CYRIB: variants seen among roughly 807,000 people sequenced by gnomAD.
CYRIB encodes the protein CYFIP related Rac1 interactor B.
In CYRIB, 8 loss-of-function variants were observed where a neutral mutation model predicts 44.2. That is an observed-to-expected ratio of 0.18 (90% CI 0.11 to 0.33). The LOEUF is 0.33. Among genes scored for constraint, CYRIB ranks in the 10% least tolerant of loss-of-function variants. The pLI, the probability that CYRIB is intolerant of heterozygous loss-of-function variation, is 1.00. For synonymous variants in CYRIB, 131 were observed against 127.2 expected (o/e 1.03, Z -0.20); for missense variants, 185 against 382.8 (o/e 0.48, Z 4.31).
intron 1 of CYRIB, among the ~76,000 whole-genome samples, chr8:129,935,104 G>GT (rs2092559508): frequency 6.6e-6 from 1 of 152,154 alleles, no homozygotes; most frequent in Admixed American, 6.5e-5. Context: ...GAGAAATAGA[G>GT]TGATCCTCAC....
chr8:129,976,220 C>T (rs2095909085), intron 1 of CYRIB, among the ~76,000 whole-genome samples: 1 of 151,712 alleles, frequency 6.6e-6, no homozygotes. Flanking sequence ...AAATTATAAA[C>T]TTATGCCTAT....
intron 10 of CYRIB, chr8:129,847,132 A>T (rs988914453): frequency 3.1e-6 from 1 of 322,586 alleles, no homozygotes; most frequent in Non-Finnish European, 5.6e-6. Context: ...CGGTTTGCTA[A>T]GGGAAGACTT....
chr8:129,938,104 T>C (rs776159863), intron 1 of CYRIB, among the ~76,000 whole-genome samples: 5 of 152,036 alleles, frequency 3.3e-5, no homozygotes, highest in Admixed American at 3.3e-4. Flanking sequence ...TTCGTTATTA[T>C]GGATATGAAA....
chr8:129,841,123 C>G (rs930265899), exon 12 of CYRIB: 9 of 152,138 alleles, frequency 5.9e-5, no homozygotes, highest in Admixed American at 2.0e-4. Context: ...TATAATCACT[C>G]TCTTCCCATG....
chr8:129,916,053 C>T (rs946287396), intron 1 of CYRIB, among the ~76,000 whole-genome samples: 17 of 152,048 alleles, frequency 1.1e-4, no homozygotes, highest in African/African-American at 4.1e-4. Context: ...ATATCTTGTC[C>T]CAATTCCATT....
intron 4 of CYRIB, among the ~76,000 whole-genome samples, chr8:129,862,674 G>A (rs2050490862): frequency 6.6e-6 from 1 of 152,120 alleles, no homozygotes; most frequent in Admixed American, 6.6e-5. Flanking sequence ...GTTTCGCCAT[G>A]TTGGCCAGGC....
At chr8:129,976,795 A>T (rs2095939811) in intron 1 of CYRIB, among the ~76,000 whole-genome samples, 1 of 151,994 alleles carries the variant, frequency 6.6e-6, no homozygotes, top group Non-Finnish European at 1.5e-5. Flanking sequence ...CAGAAGAAAG[A>T]GTTTTTGTGT....
At chr8:129,869,970 T>C (rs1489831135) in intron 4 of CYRIB, among the ~76,000 whole-genome samples, 1 of 132,636 alleles carries the variant, frequency 7.5e-6, no homozygotes, top group Non-Finnish European at 1.7e-5. Flanking sequence ...TAGGAGATTA[T>C]GGGGGGGTGG....
At chr8:130,000,682 ACT>A (rs1373020562) in intron 1 of CYRIB, among the ~76,000 whole-genome samples, 1 of 151,882 alleles carries the variant, frequency 6.6e-6, no homozygotes, top group African/African-American at 2.4e-5. Flanking sequence ...ACAGAGCAAG[ACT>A]CTGTCTCAAA....
intron 1 of CYRIB, among the ~76,000 whole-genome samples, chr8:129,987,581 T>C (rs1265995411): frequency 2.7e-5 from 4 of 149,054 alleles, no homozygotes; most frequent in Admixed American, 1.3e-4. Context: ...TTTTTTTTTT[T>C]TTTTATGAGA....
intron 4 of CYRIB, among the ~76,000 whole-genome samples, chr8:129,870,039 G>A (rs2056416197): frequency 6.6e-6 from 1 of 152,092 alleles, no homozygotes; most frequent in Admixed American, 6.6e-5. Context: ...CAAAAACAAA[G>A]GAAGGGTGCA....
At chr8:129,904,904 GTAAA>G (rs2074413403) in intron 1 of CYRIB, among the ~76,000 whole-genome samples, 1 of 152,200 alleles carries the variant, frequency 6.6e-6, no homozygotes, top group Non-Finnish European at 1.5e-5. Context: ...GCCACCTTAG[GTAAA>G]TGTTAACCAG....
At chr8:129,857,854 GA>G (rs1434275218) in intron 5 of CYRIB, among the ~76,000 whole-genome samples, 1 of 152,042 alleles carries the variant, frequency 6.6e-6, no homozygotes, top group Non-Finnish European at 1.5e-5. Flanking sequence ...GTCTGTTAAA[GA>G]AAAAAAGAAA....
At chr8:130,010,953 C>T (rs553539022) in intron 1 of CYRIB, among the ~76,000 whole-genome samples, 3 of 152,324 alleles carry the variant, frequency 2.0e-5, no homozygotes, top group South Asian at 2.1e-4. Flanking sequence ...GCAATCCCCA[C>T]GTGATGCGCA....
intron 1 of CYRIB, among the ~76,000 whole-genome samples, chr8:129,933,871 G>T (rs1453625885): frequency 1.3e-5 from 2 of 149,778 alleles, no homozygotes; most frequent in African/African-American, 5.0e-5. Context: ...GACAGAGTAA[G>T]ACTCTGTCAC....
At position 129,945,553 on chromosome 8, in the gene CYRIB, CT is replaced by C. The variant is rs1024857531; in HGVS notation, c.-243+25389del. Among the ~76,000 whole-genome samples the C allele has an allele frequency of 7.9e-5, 12 of 151,932 alleles. No individual in the cohort carries two copies. The South Asian group carries it at 1.7e-3, about 21-fold the overall frequency. Reference sequence around the variant, plus strand: ...ACTCCCACCACTGTACCTTGAGTTTCTTTTTTTTGTATTTTTATTTATTTAT... The same window carrying C: ...ACTCCCACCACTGTACCTTGAGTTTCTTTTTTTGTATTTTTATTTATTTAT... On this transcript the variant is annotated intron_variant, in intron 2 of 14. Transcript: ENST00000401979.
chr8:129,864,941 CT>C (rs1484991286), intron 4 of CYRIB: 1 of 250,294 alleles, frequency 4.0e-6, no homozygotes, highest in African/African-American at 2.3e-5. Context: ...GATGCGTGGG[CT>C]GACATCTGCC....
At chr8:129,889,284 C>T (rs1588727523) in intron 2 of CYRIB, among the ~76,000 whole-genome samples, 1 of 152,312 alleles carries the variant, frequency 6.6e-6, no homozygotes, top group African/African-American at 2.4e-5. Flanking sequence ...TTACTGCTCA[C>T]TGATAATGCA....
intron 5 of CYRIB, among the ~76,000 whole-genome samples, chr8:129,859,864 C>T (rs1432545403): frequency 6.6e-6 from 1 of 152,184 alleles, no homozygotes; most frequent in Non-Finnish European, 1.5e-5. Flanking sequence ...TGGAACAACT[C>T]GTGTCCTCGG....
Sources: allele counts gnomAD v4.1 joint callset (sites outside exome capture counted in the v4.1 genomes callset), GRCh38; gene constraint gnomAD v4.1.1; transcripts MANE v1.5; gene names NCBI Gene and HGNC (gene_info 2026-07-23, HGNC 2026-07-21).